The following TOX3 variants were observed in gnomAD, a reference collection of about 807,000 sequenced individuals.
TOX3 encodes the protein CAG trinucleotide repeat-containing gene F9 protein.
Under a neutral mutation model 64.3 loss-of-function variants are expected in TOX3, and 22 were observed. That is an observed-to-expected ratio of 0.34 (90% CI 0.24 to 0.49). TOX3 has a LOEUF of 0.49. Among genes scored for constraint, TOX3 ranks in the 20% least tolerant of loss-of-function variants. TOX3 has a pLI of 0.99. For synonymous variants in TOX3, 291 were observed against 273.6 expected, an observed-to-expected ratio of 1.06 and a Z score of -0.63; for missense variants, 661 against 714.4, an observed-to-expected ratio of 0.93 and a Z score of 0.85.
At chr16:52,465,521 A>AT (rs1205221810) in intron 2 of TOX3, among the ~76,000 whole-genome samples, 2 of 66,600 alleles carry the variant, frequency 3.0e-5, no homozygotes, top group Non-Finnish European at 6.3e-5. Flanking sequence ...GGCTACTCAT[A>AT]TTTTTTATTC....
At chr16:52,515,526 T>C (rs1429428053) in intron 1 of TOX3, among the ~76,000 whole-genome samples, 1 of 152,214 alleles carries the variant, frequency 6.6e-6, no homozygotes, top group Non-Finnish European at 1.5e-5. Flanking sequence ...GGTTTGTGTT[T>C]ACCATCCTCT....
intron 4 of TOX3, among the ~76,000 whole-genome samples, chr16:52,448,967 A>G (rs1287551444): frequency 6.6e-6 from 1 of 152,190 alleles, no homozygotes. Context: ...CTGGCTCTCA[A>G]ACTAAAACCC....
chr16:52,466,784 A>C (rs1960879519), intron 2 of TOX3, among the ~76,000 whole-genome samples: 1 of 152,188 alleles, frequency 6.6e-6, no homozygotes, highest in African/African-American at 2.4e-5. Context: ...TGAAATAACC[A>C]AGAAAATGTT....
intron 1 of TOX3, among the ~76,000 whole-genome samples, chr16:52,538,437 T>C (rs1963006784): frequency 6.6e-6 from 1 of 152,178 alleles, no homozygotes; most frequent in South Asian, 2.1e-4. Context: ...AATCTCACAA[T>C]TTGGTACAGT....
rs183577780 is a variant in TOX3 at position 52,454,248 on chromosome 16, A to T, written c.409-3702T>A. Among the ~76,000 whole-genome samples, 15 of 152,322 alleles carry T rather than the reference A, an allele frequency of 9.8e-5. No individual in the cohort carries two copies. In the East Asian group the frequency reaches 1.5e-3, roughly 16 times the overall value. ...CTCATAATATTTCATTACAAAAAAAAAAAAGATTATTTTGCAGTGTGACAG... is the reference window on the plus strand; with the variant it reads ...CTCATAATATTTCATTACAAAAAAATAAAAGATTATTTTGCAGTGTGACAG... On this transcript the variant is annotated intron_variant, in intron 3 of 6. Coordinates refer to ENST00000219746, the MANE Select transcript of TOX3 (RefSeq NM_001080430.4).
rs1420949386 is a variant in TOX3 at position 52,476,625 on chromosome 16, CA to C, written c.88-8052del. Among the ~76,000 whole-genome samples the C allele has an allele frequency of 8.6e-5, 13 of 151,948 alleles. 1 individual carries two copies. The East Asian group carries it at 2.3e-3, about 27-fold the overall frequency. On this transcript the variant is annotated intron_variant, in intron 1 of 6. Coordinates refer to ENST00000219746, the MANE Select transcript of TOX3 (RefSeq NM_001080430.4). ...CTGGTTCTCTTCGAATACACACCCA[CA>C]AAAAAATCCAATGGTAACACATATG...
chr16:52,444,230 C>A, intron 6 of TOX3, 46 bp downstream of exon 6: 1 of 1,447,056 alleles, frequency 6.9e-7, no homozygotes, highest in Non-Finnish European at 9.3e-7. Context: ...GGCTGTTTTC[C>A]ACGCTGTGAC....
At chr16:52,497,658 A>T (rs1393804791) in intron 1 of TOX3, among the ~76,000 whole-genome samples, 1 of 152,178 alleles carries the variant, frequency 6.6e-6, no homozygotes, top group African/African-American at 2.4e-5. Flanking sequence ...TTAAGACAAC[A>T]CCTACCTCAC....
At position 52,437,687 on chromosome 16, in the gene TOX3, A is replaced by G. The variant is rs1959788775; in HGVS notation, c.*1538T>C. On this transcript the variant is annotated 3_prime_UTR_variant, in exon 7 of 7. Transcript: ENST00000219746. ...TATTTTGGCTTAAGAATTAGCATTC[A>G]CCATCTATTTTAATCGCAATAACAT... is the stretch of plus-strand genomic sequence containing the variant. Among the ~76,000 whole-genome samples the G allele has an allele frequency of 6.6e-6, 1 of 151,578 alleles. No individual in the cohort carries two copies. The highest frequency in any genetic ancestry group is 6.6e-5 in the Admixed American group (1 of 15,152).
At chr16:52,481,932 C>A (rs570414647) in intron 1 of TOX3, among the ~76,000 whole-genome samples, 1 of 152,110 alleles carries the variant, frequency 6.6e-6, no homozygotes, top group Admixed American at 6.5e-5. Context: ...CCACTTCCGA[C>A]GAGGTCTTAG....
chr16:52,519,102 T>C (rs975590119), intron 1 of TOX3, among the ~76,000 whole-genome samples: 19 of 152,204 alleles, frequency 1.2e-4, no homozygotes, highest in African/African-American at 4.6e-4. Context: ...GGAAATGGTA[T>C]CATGCGAGGC....
Position 52,519,461 on chromosome 16 carries a change from G to A in TOX3, c.87+27176C>T, listed in dbSNP as rs146519714. The A allele has an allele frequency of 3.8e-4, 584 of 1,551,464 alleles. No homozygotes were observed. The African/African-American group carries it at 7.3e-3, about 19-fold the overall frequency. ...TCTCTCCTCAATGCGCCTGGCTCCC[G>A]AGCGAGGTTGGCACTTCATCCTCCA... is the stretch of plus-strand genomic sequence containing the variant. On this transcript the variant is annotated intron_variant, in intron 1 of 6. Transcript: ENST00000219746.
chr16:52,474,660 G>A (rs1429092352), intron 1 of TOX3, among the ~76,000 whole-genome samples: 4 of 150,496 alleles, frequency 2.7e-5, no homozygotes, highest in African/African-American at 9.8e-5. Flanking sequence ...ATGAAGGAAA[G>A]GAAGAAAGAA....
intron 1 of TOX3, among the ~76,000 whole-genome samples, chr16:52,524,812 G>A (rs1490821554): frequency 6.6e-6 from 1 of 151,810 alleles, no homozygotes; most frequent in Non-Finnish European, 1.5e-5. Flanking sequence ...ATCCTCTCTG[G>A]GTCTCCTTTC....
At chr16:52,496,887 T>C (rs553642234) in intron 1 of TOX3, among the ~76,000 whole-genome samples, 4 of 149,040 alleles carry the variant, frequency 2.7e-5, no homozygotes, top group Non-Finnish European at 5.9e-5. Context: ...AGAAAATACA[T>C]ATTTATACCT....
At chr16:52,514,246 C>T (rs1381989824) in intron 1 of TOX3, among the ~76,000 whole-genome samples, 1 of 152,170 alleles carries the variant, frequency 6.6e-6, no homozygotes, top group African/African-American at 2.4e-5. Context: ...ATCCATGTTG[C>T]TCCACTTATC....
intron 3 of TOX3, among the ~76,000 whole-genome samples, chr16:52,461,108 CA>C (rs1567317819): frequency 6.6e-6 from 1 of 152,130 alleles, no homozygotes; most frequent in Non-Finnish European, 1.5e-5. Context: ...AAAACACACA[CA>C]ACCCTTTGGA....
At chr16:52,458,572 G>T (rs1960597514) in intron 3 of TOX3, among the ~76,000 whole-genome samples, 1 of 152,142 alleles carries the variant, frequency 6.6e-6, no homozygotes, top group Non-Finnish European at 1.5e-5. Context: ...ACCACAGCCA[G>T]CCTTCTCATA....
At chr16:52,542,228 A>G (rs546831201) in intron 1 of TOX3, among the ~76,000 whole-genome samples, 40 of 152,172 alleles carry the variant, frequency 2.6e-4, no homozygotes, top group Non-Finnish European at 4.9e-4. Context: ...AAATTTCTTT[A>G]CGCAGCTCTA....
Sources: allele counts gnomAD v4.1 joint callset (sites outside exome capture counted in the v4.1 genomes callset), GRCh38; gene constraint gnomAD v4.1.1; transcripts MANE v1.5; gene names NCBI Gene and HGNC (gene_info 2026-07-23, HGNC 2026-07-21).